IFT80: variants seen among roughly 807,000 people sequenced by gnomAD.
The protein encoded by IFT80 is intraflagellar transport protein 80 homolog.
IFT80 carries 79 observed loss-of-function variants against 107.9 expected under a neutral mutation model. The observed-to-expected ratio is 0.73, with a 90% CI of 0.61 to 0.88. IFT80 has a LOEUF of 0.88. Among genes scored for constraint, IFT80 ranks in the 40% least tolerant of loss-of-function variants. The pLI, the probability that IFT80 is intolerant of heterozygous loss-of-function variation, is 0.00. For missense variants in IFT80, 797 were observed against 914.2 expected, an observed-to-expected ratio of 0.87 and a Z score of 1.65; for synonymous variants, 299 against 300.9, an observed-to-expected ratio of 0.99 and a Z score of 0.07.
At chr3:160,388,851 A>G (rs1340962568) in intron 1 of IFT80, among the ~76,000 whole-genome samples, 1 of 152,164 alleles carries the variant, frequency 6.6e-6, no homozygotes, top group Non-Finnish European at 1.5e-5. Context: ...GAAAGACTCA[A>G]CTGGCCATTG....
rs1450870138 is a variant in IFT80, at chr3:160,356,143, T to A, written c.647A>T (p.Asp216Val). The A allele has an allele frequency of 3.1e-6, 5 of 1,612,858 alleles. No homozygotes were observed. Among genetic ancestry groups the A allele is most frequent in the Non-Finnish European group, 2.5e-6 (3 of 1,179,220 alleles). Reference protein sequence around the residue: ...AGEDCKYKVWDSYGRPLYNSQ... With the variant: ...AGEDCKYKVWVSYGRPLYNSQ... ...ATTGTACAGTGGGCGGCCGTAACTA[T>A]CCCATACCTACAAAAGCAATTTTTA... is the stretch of plus-strand genomic sequence containing the variant. Residue 216 changes from aspartate to valine, a missense_variant, in exon 8 of 20, where the codon GAT becomes GTT. Transcript: ENST00000326448.
At chr3:160,345,125 G>C (rs1450448508) in intron 8 of IFT80, among the ~76,000 whole-genome samples, 2 of 152,104 alleles carry the variant, frequency 1.3e-5, no homozygotes, top group East Asian at 3.8e-4. Flanking sequence ...GTATATCCAA[G>C]AGCTATCTCC....
intron 8 of IFT80, among the ~76,000 whole-genome samples, chr3:160,327,643 G>C (rs1718767560): frequency 6.6e-6 from 1 of 152,040 alleles, no homozygotes; most frequent in Non-Finnish European, 1.5e-5. Flanking sequence ...CCATATGCAG[G>C]AAAGTGAAAC....
intron 8 of IFT80, among the ~76,000 whole-genome samples, chr3:160,322,498 G>A (rs1431098037): frequency 1.3e-5 from 2 of 151,966 alleles, no homozygotes; most frequent in South Asian, 2.1e-4. Flanking sequence ...ATCAATATAC[G>A]TGTGCATGTG....
Position 160,296,344 on chromosome 3 carries a change from A to G in IFT80, c.1315+4539T>C, listed in dbSNP as rs748707292. 2.6e-5 allele frequency among the ~76,000 whole-genome samples: 4 copies of G among 152,304 alleles called. No individual in the cohort carries two copies. In the South Asian group the frequency reaches 6.2e-4, roughly 24 times the overall value. ...TCAATTTCCCTCAGATTTATCTCCAAACTTACTTATAATAGTTCTGGTCCT... is the reference window on the plus strand; with the variant it reads ...TCAATTTCCCTCAGATTTATCTCCAGACTTACTTATAATAGTTCTGGTCCT... On this transcript the variant is annotated intron_variant, in intron 12 of 19. Coordinates refer to ENST00000326448, the MANE Select transcript of IFT80 (RefSeq NM_020800.3).
At position 160,344,802 on chromosome 3, in the gene IFT80, T is replaced by C. The variant is rs567779164; in HGVS notation, c.777+11211A>G. ...GCAAAAGATCTGAATAGACATTTCT[T>C]AAAAGAAGTCATACAAATGGGAAAC... is the stretch of plus-strand genomic sequence containing the variant. On this transcript the variant is annotated intron_variant, in intron 8 of 19. Transcript: ENST00000326448. 1.2e-4 allele frequency among the ~76,000 whole-genome samples: 18 copies of C among 152,246 alleles called. No individual in the cohort carries two copies. The South Asian group carries it at 3.5e-3, about 30-fold the overall frequency.
At chr3:160,341,016 C>CTTT (rs11373101) in intron 8 of IFT80, among the ~76,000 whole-genome samples, 1 of 149,502 alleles carries the variant, frequency 6.7e-6, no homozygotes. Flanking sequence ...TTTTTACTAC[C>CTTT]TTTTTTTTTT....
At chr3:160,337,406 A>C (rs1719574124) in intron 8 of IFT80, among the ~76,000 whole-genome samples, 1 of 151,988 alleles carries the variant, frequency 6.6e-6, no homozygotes, top group Admixed American at 6.6e-5. Flanking sequence ...CAGGTGGATC[A>C]TGAGGTCAGG....
chr3:160,368,087 T>C (rs939571636), intron 5 of IFT80, among the ~76,000 whole-genome samples: 5 of 151,910 alleles, frequency 3.3e-5, no homozygotes, highest in Admixed American at 3.3e-4. Context: ...GAATGAATCA[T>C]TAAGGAATTT....
chr3:160,314,337 C>A (rs929962320), intron 9 of IFT80, among the ~76,000 whole-genome samples: 5 of 152,252 alleles, frequency 3.3e-5, no homozygotes, highest in African/African-American at 1.2e-4. Context: ...TGTACCTGCA[C>A]GCTTTCCCTC....
intron 11 of IFT80, among the ~76,000 whole-genome samples, chr3:160,303,686 C>T (rs545286048): frequency 6.6e-6 from 1 of 152,210 alleles, no homozygotes; most frequent in East Asian, 1.9e-4. Flanking sequence ...CCACATATAA[C>T]CCTGAATAAT....
chr3:160,327,633 C>T (rs1718766810), intron 8 of IFT80, among the ~76,000 whole-genome samples: 1 of 152,050 alleles, frequency 6.6e-6, no homozygotes, highest in African/African-American at 2.4e-5. Context: ...AACTGGCTAG[C>T]CATATGCAGG....
At chr3:160,338,458 C>T (rs533877635) in intron 8 of IFT80, among the ~76,000 whole-genome samples, 3 of 152,184 alleles carry the variant, frequency 2.0e-5, no homozygotes, top group East Asian at 3.9e-4. Context: ...CATAGTGATA[C>T]CCTGTCACTA....
chr3:160,347,562 G>A (rs1335859031), intron 8 of IFT80, among the ~76,000 whole-genome samples: 2 of 152,136 alleles, frequency 1.3e-5, no homozygotes, highest in Admixed American at 6.6e-5. Flanking sequence ...GGAAGGAAAA[G>A]ATGACCCAAA....
intron 5 of IFT80, among the ~76,000 whole-genome samples, chr3:160,368,710 G>A (rs1722032374): frequency 6.6e-6 from 1 of 151,696 alleles, no homozygotes; most frequent in Non-Finnish European, 1.5e-5. Flanking sequence ...GGAGTGACAG[G>A]GACTTACTAG....
intron 8 of IFT80, among the ~76,000 whole-genome samples, chr3:160,335,288 T>C (rs144001102): frequency 2.0e-5 from 3 of 151,498 alleles, no homozygotes; most frequent in Non-Finnish European, 4.4e-5. Flanking sequence ...TTGAGTGCGG[T>C]GGCACAATCT....
chr3:160,364,075 C>A (rs1270145716), intron 6 of IFT80, among the ~76,000 whole-genome samples: 3 of 152,148 alleles, frequency 2.0e-5, no homozygotes, highest in Non-Finnish European at 4.4e-5. Context: ...AGGCAACCTA[C>A]AGAATGGGAG....
chr3:160,268,787 T>C (rs1713557486), intron 18 of IFT80: 2 of 446,764 alleles, frequency 4.5e-6, no homozygotes, highest in Non-Finnish European at 8.2e-6. Context: ...CTATGCTTCA[T>C]ACCATTTATA....
At position 160,257,025 on chromosome 3, in the gene IFT80, T is replaced by C. The variant is rs1307962058; in HGVS notation, c.*1500A>G. 3 of 152,190 alleles carry C rather than the reference T, an allele frequency of 2.0e-5. No homozygotes were observed. The highest frequency in any genetic ancestry group is 4.4e-5 in the Non-Finnish European group (3 of 68,026). 9.4% of individuals were successfully genotyped at this position (152,190 alleles called of 1,614,324 possible). ...GACTTTTTATTTTTTGCATTTATTGTGGTAAAATATACATAACATAAAACC... is the reference window on the plus strand; with the variant it reads ...GACTTTTTATTTTTTGCATTTATTGCGGTAAAATATACATAACATAAAACC... On this transcript the variant is annotated 3_prime_UTR_variant, in exon 20 of 20. Transcript: ENST00000326448.
Sources: gnomAD v4.1 joint callset for allele counts (sites outside exome capture counted in the v4.1 genomes callset) on GRCh38, gnomAD v4.1.1 for gene constraint, MANE v1.5 for transcripts, NCBI Gene and HGNC (gene_info 2026-07-23, HGNC 2026-07-21) for gene names.